Variants in TTN observed in about 807,000 individuals in gnomAD.
TTN encodes titin.
A neutral mutation model predicts 3,223.0 loss-of-function variants in TTN; 1,525 were observed. The ratio of observed to expected loss-of-function variants is 0.47; its 90% CI spans 0.45 to 0.49. The LOEUF is 0.49. TTN is among the 20% of genes least tolerant of loss of function. The pLI, the probability that TTN is intolerant of heterozygous loss-of-function variation, is 0.00. For synonymous variants in TTN, 14,094 were observed against 15,161.0 expected, an observed-to-expected ratio of 0.93 and a Z score of 5.17; for missense variants, 40,786 against 43,424.0, an observed-to-expected ratio of 0.94 and a Z score of 5.40.
chr2:178,781,694 G>A (rs1345797489), intron 20 of TTN, among the ~76,000 whole-genome samples: 17 of 151,830 alleles, frequency 1.1e-4, no homozygotes, highest in Admixed American at 3.9e-4. Context: ...ATGAAGGTAC[G>A]GCACCTACAT....
In TTN at chr2:178,546,749, T is replaced by C; in HGVS notation, c.94679A>G (p.Asn31560Ser). The part of the protein sequence containing the change: ...EVGDGRWLKC[N>S]YTIVSDNFFT... ...GAAATTGTCAGATACAATGGTGTAGTTGCACTTCAGCCAGCGACCATCTCC... is the reference window on the plus strand; with the variant it reads ...GAAATTGTCAGATACAATGGTGTAGCTGCACTTCAGCCAGCGACCATCTCC... Residue 31560 changes from asparagine to serine, a missense_variant, in exon 341 of 363, where the codon AAC becomes AGC. By Grantham distance (46) the Asn-to-Ser change is conservative. Coordinates refer to ENST00000589042, the MANE Select transcript of TTN (RefSeq NM_001267550.2). 1 of 1,613,720 alleles carries C rather than the reference T, an allele frequency of 6.2e-7. No homozygotes were observed. Among genetic ancestry groups the C allele is most frequent in the Non-Finnish European group, 8.5e-7 (1 of 1,179,750 alleles).
Position 178,682,735 on chromosome 2 carries a change from TC to T in TTN, c.33055del (p.Glu11019SerfsTer21). ...YDQYEEYEEREYERYEEHEEY... is the reference protein window; with the variant it reads ...YDQYEEYEERXYERYEEHEEY... ...TTCATGCTCTTCATATCGTTCATAC[TC>T]CCGCTCCTCGTATTCTTCATATTGG... On this transcript the variant is annotated frameshift_variant, in exon 135 of 363. Coordinates refer to ENST00000589042, the MANE Select transcript of TTN (RefSeq NM_001267550.2). LOFTEE classifies it high-confidence loss of function. The T allele has an allele frequency of 1.2e-6, 2 of 1,612,928 alleles. No homozygotes were observed. The highest frequency in any genetic ancestry group is 1.7e-6 in the Non-Finnish European group (2 of 1,179,178).
chr2:178,728,549 C>T lies in TTN; in HGVS notation c.19377G>A (p.Val6459=), dbSNP rs371652207. Residue 6459 remains valine (V), a synonymous_variant, in exon 66 of 363, where the codon GTG becomes GTA. Transcript: ENST00000589042. ...AGCTACTGCTTCCGAAGTCATTTTC[C>T]ACCTTGAAAGTGTACTGACCGCTGT... is the stretch of plus-strand genomic sequence containing the variant. The part of the protein sequence containing the change: ...KQDSGQYTFK[V]ENDFGSSSCD... 6.5e-5 allele frequency: 105 copies of T among 1,612,626 alleles called. No individual in the cohort carries two copies. The highest frequency in any genetic ancestry group is 8.6e-5 in the Non-Finnish European group (101 of 1,179,248).
rs758107705 is a variant in TTN, at chr2:178,572,346, C to T, written c.73786G>A (p.Glu24596Lys). 2.5e-6 allele frequency: 4 copies of T among 1,612,028 alleles called. No individual in the cohort carries two copies. Among genetic ancestry groups the T allele is most frequent in the Non-Finnish European group, 3.4e-6 (4 of 1,178,382 alleles). ...GCSYYFRVLA[E>K]NEYGIGLPAE... ...GGCAGCCCAATGCCATATTCATTTTCTGCGAGAACCCTGAAATAGTAGCTA... is the reference window on the plus strand; with the variant it reads ...GGCAGCCCAATGCCATATTCATTTTTTGCGAGAACCCTGAAATAGTAGCTA... Residue 24596 changes from glutamate to lysine, a missense_variant, in exon 326 of 363, where the codon GAA becomes AAA. Glu to Lys is a moderately conservative substitution (Grantham distance 56, BLOSUM62 1). Coordinates refer to ENST00000589042, the MANE Select transcript of TTN (RefSeq NM_001267550.2).
Position 178,707,698 on chromosome 2 carries a change from C to T in TTN, c.28869G>A (p.Trp9623Ter). 1 of 1,613,992 alleles carries T rather than the reference C, an allele frequency of 6.2e-7. No individual in the cohort carries two copies. The highest frequency in any genetic ancestry group is 8.5e-7 in the Non-Finnish European group (1 of 1,179,858). The change falls in exon 100 of 363, where the codon TGG becomes TGA. Residue 9623 changes from tryptophan to a stop codon, truncating the protein, a stop_gained. Transcript: ENST00000589042. LOFTEE classifies it high-confidence loss of function. ...VQGSEPIRIQ[W>*]LKAGREIKPS... ...GCTTTATTTCCCTGCCAGCCTTCAA[C>T]CACTGGATCCTAATTGGCTCAGATC...
chr2:178,793,289 T>C, intron 9 of TTN, 115 bp downstream of exon 9: 2 of 1,436,444 alleles, frequency 1.4e-6, no homozygotes, highest in Non-Finnish European at 1.9e-6. Context: ...GGGGATCTTA[T>C]TAGTATGCTA....
At chr2:178,615,286 C>T (rs2057129331) in intron 259 of TTN, 21 bp downstream of exon 259, 2 of 1,611,478 alleles carry the variant, frequency 1.2e-6, no homozygotes, top group African/African-American at 2.7e-5. Flanking sequence ...CATTTACTCT[C>T]ATGCCAAATT....
At position 178,795,192 on chromosome 2, in the gene TTN, C is replaced by A. The variant is rs2093701295; in HGVS notation, c.975G>T (p.Leu325Phe). The change falls in exon 7 of 363, where the codon TTG becomes TTT. Residue 325 changes from leucine to phenylalanine, a missense_variant. Leu to Phe is a conservative substitution (Grantham distance 22). Transcript: ENST00000589042. ...TSPIRSVRSP[L>F]LMRKTQASTV... ...TGGATGCCTGAGTCTTACGCATGAG[C>A]AATGGAGACCTAACAGACCTGATGG... is the stretch of plus-strand genomic sequence containing the variant. The A allele has an allele frequency of 6.2e-7, 1 of 1,614,142 alleles. No homozygotes were observed.
intron 47 of TTN, chr2:178,748,786 T>A: frequency 1.2e-6 from 2 of 1,612,338 alleles, no homozygotes; most frequent in South Asian, 1.1e-5. Context: ...CTTTATGAGT[T>A]TGAGAGGAAA....
chr2:178,605,001 T>C lies in TTN; in HGVS notation c.54176A>G (p.His18059Arg). The change falls in exon 280 of 363, where the codon CAC becomes CGC. Residue 18059 changes from histidine to arginine, a missense_variant. Physicochemically the swap from His to Arg is conservative, Grantham distance 29 (BLOSUM62 0). Transcript: ENST00000589042. ...NRLGSVFRNV[H>R]VEVYDRPSPP... ...AAGTCACTTACCATATACTTCAACG[T>C]GAACATTTCGGAACACTGAGCCAAG... is the stretch of plus-strand genomic sequence containing the variant. 1.3e-6 allele frequency: 2 copies of C among 1,597,518 alleles called. No homozygotes were observed. The highest frequency in any genetic ancestry group is 8.5e-7 in the Non-Finnish European group (1 of 1,170,500).
At chr2:178,742,092 T>C (rs1424635833) in intron 47 of TTN, among the ~76,000 whole-genome samples, 171 bp from the exon 48 acceptor site, 1 of 152,104 alleles carries the variant, frequency 6.6e-6, no homozygotes, top group Admixed American at 6.6e-5. Flanking sequence ...TTTCTTAGCT[T>C]AACATATAAA....
At chr2:178,739,095 T>A in intron 48 of TTN, 46 bp downstream of exon 48, 1 of 1,479,998 alleles carries the variant, frequency 6.8e-7, no homozygotes, top group Non-Finnish European at 9.0e-7. Context: ...ATCATTACAA[T>A]CCAGTGAATG....
In TTN at chr2:178,729,155, T is replaced by C; in HGVS notation, c.18883A>G (p.Ile6295Val). 1.3e-6 allele frequency: 2 copies of C among 1,583,850 alleles called. No individual in the cohort carries two copies. Among genetic ancestry groups the C allele is most frequent in the Non-Finnish European group, 1.7e-6 (2 of 1,165,502 alleles). ...GTAGTGGTATTTTCTATCTTCTTAA[T>C]GAATGATGGTGGTTCTGTGATTAAA... Reference protein sequence around the residue: ...RVALKEPPSFIKKIENTTTVL... With the variant: ...RVALKEPPSFVKKIENTTTVL... Residue 6295 changes from isoleucine to valine, a missense_variant, in exon 65 of 363, where the codon ATT (isoleucine) becomes GTT (valine). By Grantham distance (29) the Ile-to-Val change is conservative (BLOSUM62 3). Transcript: ENST00000589042.
intron 15 of TTN, 82 bp downstream of exon 15, chr2:178,785,538 C>A: frequency 6.3e-7 from 1 of 1,596,074 alleles, no homozygotes; most frequent in Non-Finnish European, 8.6e-7. Context: ...CCTCCATTGG[C>A]CTACCCCAGA....
At position 178,620,211 on chromosome 2, in the gene TTN, GCTTA is replaced by G; in HGVS notation, c.46304+2_46304+5del. ...CAGAAATAGAGAATAAAAAGATCTT[GCTTA>G]CTTTTTGCCTTCTTTGATTTCTCTC... On this transcript the variant is annotated splice_donor_variant and splice_donor_5th_base_variant and intron_variant, in intron 248 of 362. Transcript: ENST00000589042. LOFTEE classifies it high-confidence loss of function. 6.5e-7 allele frequency: 1 copy of G among 1,540,400 alleles called. No individual in the cohort carries two copies. Among genetic ancestry groups the G allele is most frequent in the East Asian group, 2.3e-5 (1 of 43,998 alleles).
In TTN at chr2:178,566,432, T is replaced by A; in HGVS notation, c.79700A>T (p.Asn26567Ile). ...TGTAGCCTCACCTAAACCAACTTTG[T>A]TGAGGGCACAGACTCGTATTTTATA... Reference protein sequence around the residue: ...QEYKIRVCALNKVGLGEATSV... With the variant: ...QEYKIRVCALIKVGLGEATSV... Residue 26567 changes from asparagine (N) to isoleucine (I), a missense_variant, in exon 326 of 363, where the codon AAC (asparagine) becomes ATC (isoleucine). Coordinates refer to ENST00000589042, the MANE Select transcript of TTN (RefSeq NM_001267550.2). 1 of 1,613,482 alleles carries A rather than the reference T, an allele frequency of 6.2e-7. No individual in the cohort carries two copies. Among genetic ancestry groups the A allele is most frequent in the South Asian group, 1.1e-5 (1 of 91,078 alleles).
rs978699834 is a variant in TTN at position 178,533,799 on chromosome 2, A to G, written c.102816T>C (p.Gly34272=). ...LPLYNKTAYV[G]ENVRFGVTIT... ...TAGTTACTCCAAACCGGACATTTTC[A>G]CCTACATAAGCTGTCTTATTATAGA... Residue 34272 remains glycine, a synonymous_variant, in exon 358 of 363, where the codon GGT becomes GGC. Coordinates refer to ENST00000589042, the MANE Select transcript of TTN (RefSeq NM_001267550.2). The G allele has an allele frequency of 6.2e-7, 1 of 1,613,922 alleles. No individual in the cohort carries two copies. Among genetic ancestry groups the G allele is most frequent in the Non-Finnish European group, 8.5e-7 (1 of 1,179,852 alleles).
At chr2:178,746,536 A>T (rs375860672) in intron 47 of TTN, 31 of 1,612,980 alleles carry the variant, frequency 1.9e-5, no homozygotes, top group Non-Finnish European at 2.6e-5. Context: ...TGACATGCTG[A>T]TGTGTTACTG....
chr2:178,773,428 A>T (rs780181480), intron 32 of TTN, 34 bp downstream of exon 32: 2 of 1,614,008 alleles, frequency 1.2e-6, no homozygotes, highest in Admixed American at 3.3e-5. Context: ...TAGAATGCTT[A>T]AAGTAATTAT....
Sources: allele counts gnomAD v4.1 joint callset (sites outside exome capture counted in the v4.1 genomes callset), GRCh38; gene constraint gnomAD v4.1.1; transcripts MANE v1.5; gene names NCBI Gene and HGNC (gene_info 2026-07-23, HGNC 2026-07-21).